Variants in BRWD3 observed in about 807,000 individuals in gnomAD.
BRWD3 encodes the protein bromodomain and WD repeat-containing protein 3.
A neutral mutation model predicts 149.7 loss-of-function variants in BRWD3; 10 were observed. That is an observed-to-expected ratio of 0.07 (90% CI 0.04 to 0.11). The LOEUF is 0.11. BRWD3 is among the 10% of genes least tolerant of loss of function. BRWD3 has a pLI of 1.00. For synonymous variants in BRWD3, 504 were observed against 456.7 expected, an observed-to-expected ratio of 1.10 and a Z score of -1.32; for missense variants, 940 against 1,373.2, an observed-to-expected ratio of 0.68 and a Z score of 4.99.
intron 20 of BRWD3, chrX:80,709,818 T>A: frequency 2.1e-6 from 1 of 472,034 alleles, no homozygotes; most frequent in Non-Finnish European, 3.6e-6. Flanking sequence ...AAAGTCTGGG[T>A]TGCAAAGTCC....
At chrX:80,713,687 TAA>T (rs1196274944) in intron 20 of BRWD3, among the ~76,000 whole-genome samples, 1 of 109,510 alleles carries the variant, frequency 9.1e-6, no homozygotes, top group Non-Finnish European at 1.9e-5. Flanking sequence ...GAATGATCAA[TAA>T]AAAAATAAAA....
intron 8 of BRWD3, among the ~76,000 whole-genome samples, chrX:80,740,191 C>G (rs2073465350): frequency 8.9e-6 from 1 of 111,803 alleles, no homozygotes; most frequent in African/African-American, 3.3e-5. Context: ...CAAAAAATGG[C>G]ATACTTATTA....
intron 4 of BRWD3, among the ~76,000 whole-genome samples, chrX:80,802,259 C>A (rs1018303455): frequency 2.8e-5 from 3 of 109,022 alleles, no homozygotes; most frequent in Non-Finnish European, 5.7e-5. Context: ...TTGGCCAACA[C>A]GGTGAAACTC....
intron 3 of BRWD3, 55 bp from the exon 4 acceptor site, chrX:80,808,653 C>T: frequency 9.4e-7 from 1 of 1,067,454 alleles, no homozygotes; most frequent in South Asian, 1.9e-5. Flanking sequence ...GAAGGAAAAG[C>T]CTCCGCTCCC....
intron 6 of BRWD3, among the ~76,000 whole-genome samples, chrX:80,766,715 C>T (rs1178262528): frequency 8.9e-6 from 1 of 111,999 alleles, no homozygotes; most frequent in Non-Finnish European, 1.9e-5. Context: ...TGGGTGATTT[C>T]TGCATTTCCA....
chrX:80,735,603 G>C (rs1288091489), intron 9 of BRWD3, among the ~76,000 whole-genome samples: 7 of 110,465 alleles, frequency 6.3e-5, no homozygotes, highest in Non-Finnish European at 9.5e-5. Flanking sequence ...AGGAGATCGA[G>C]ACCATCCTGG....
chrX:80,749,820 C>A (rs1217268677), intron 6 of BRWD3, among the ~76,000 whole-genome samples: 1 of 111,848 alleles, frequency 8.9e-6, no homozygotes. Context: ...CTAGAGGCAT[C>A]ATGCTCCCTG....
rs752994487 is a variant in BRWD3, at chrX:80,729,972, C to A, written c.1176G>T (p.Gln392His). Residue 392 changes from glutamine to histidine, a missense_variant, in exon 13 of 41, where the codon CAG becomes CAT. Around this residue, in one of 6 missense-constraint regions of BRWD3, gnomAD observed 209 missense variants for 396.8 expected, o/e 0.53. Coordinates refer to ENST00000373275, the MANE Select transcript of BRWD3 (RefSeq NM_153252.5). ...TACTCTTCCATTCTTGTTGCTGATA[C>A]TGCCAAATTCTTGCCGTTCCATCTC... ...GSRDGTARIWQYQQQEWKSIV... is the reference protein window; with the variant it reads ...GSRDGTARIWHYQQQEWKSIV... The A allele has an allele frequency of 8.3e-7, 1 of 1,207,586 alleles. No homozygotes were observed. Among genetic ancestry groups the A allele is most frequent in the South Asian group, 1.8e-5 (1 of 56,887 alleles).
At chrX:80,782,561 T>C (rs1423083612) in intron 6 of BRWD3, among the ~76,000 whole-genome samples, 1 of 110,793 alleles carries the variant, frequency 9.0e-6, no homozygotes, top group Non-Finnish European at 1.9e-5. Context: ...ACCCAAATAA[T>C]GAGAAAAAAT....
intron 4 of BRWD3, among the ~76,000 whole-genome samples, chrX:80,799,203 T>C (rs891657057): frequency 2.7e-5 from 3 of 111,411 alleles, no homozygotes; most frequent in African/African-American, 9.8e-5. Context: ...ACTGAGAAAA[T>C]CAGAAAACTC....
At chrX:80,794,049 A>G (rs1465377380) in intron 4 of BRWD3, among the ~76,000 whole-genome samples, 1 of 110,842 alleles carries the variant, frequency 9.0e-6, no homozygotes, top group Non-Finnish European at 1.9e-5. Flanking sequence ...GTGGTGCTGC[A>G]CGCCTGTAAT....
rs1026506014 is a variant in BRWD3 at position 80,680,589 on chromosome X, G to A, written c.4654+752C>T. Among the ~76,000 whole-genome samples, 3 of 111,143 alleles carry A rather than the reference G, an allele frequency of 2.7e-5. No homozygotes were observed. The East Asian group carries it at 8.5e-4, about 31-fold the overall frequency. ...GACTTACATAACTGGAAAACCTTAA[G>A]GAAGGTGGTAGAAGCGGTTATTGAC... On this transcript the variant is annotated intron_variant, in intron 40 of 40. Transcript: ENST00000373275.
chrX:80,712,915 G>A lies in BRWD3; in HGVS notation c.2325+3242C>T, dbSNP rs796193857. 6.4e-5 allele frequency among the ~76,000 whole-genome samples: 6 copies of A among 94,171 alleles called. 1 individual carries two copies. The highest frequency in any genetic ancestry group is 5.6e-4 in the Admixed American group (5 of 8,989). 81.8% of individuals were successfully genotyped at this position (94,171 alleles called of 115,157 possible). On this transcript the variant is annotated intron_variant, in intron 20 of 40. Coordinates refer to ENST00000373275, the MANE Select transcript of BRWD3 (RefSeq NM_153252.5). The stretch of plus-strand genomic sequence containing the variant: ...AAGTGAGGAGCCCCTCCGCCCGGCA[G>A]CCGCCCCGTCTGAGAAGTGAGGAGC...
Position 80,681,445 on chromosome X carries a change from C to CCAT in BRWD3, c.4547_4549dup (p.Asp1516dup). 1 of 1,208,762 alleles carries CCAT rather than the reference C, an allele frequency of 8.3e-7. No individual in the cohort carries two copies. Among genetic ancestry groups the CCAT allele is most frequent in the Non-Finnish European group, 1.1e-6 (1 of 893,329 alleles). ...ACCGAAGCTCGATGAAGAAAATGGCCCATCTGGCTCATCATCAAGTAGATA... is the reference window on the plus strand; with the variant it reads ...ACCGAAGCTCGATGAAGAAAATGGCCCATCATCTGGCTCATCATCAAGTAGATA... On this transcript the variant is annotated inframe_insertion, in exon 40 of 41. Coordinates refer to ENST00000373275, the MANE Select transcript of BRWD3 (RefSeq NM_153252.5).
In BRWD3 at chrX:80,696,822, A is replaced by G; in HGVS notation, c.2985T>C (p.Val995=). ...TCAAGCAGCACAGTGTGGGTGGGCC[A>G]ACCTCATATTTGATTCCTACAATCT... ...FVKIVGIKYE[V]GPPTLCCLKL... The change falls in exon 26 of 41, where the codon GTT becomes GTC. Residue 995 remains valine (V), a synonymous_variant. Transcript: ENST00000373275. The G allele has an allele frequency of 8.3e-7, 1 of 1,208,033 alleles. No homozygotes were observed. The highest frequency in any genetic ancestry group is 1.1e-6 in the Non-Finnish European group (1 of 892,150).
At chrX:80,725,468 A>T (rs2073203869) in intron 14 of BRWD3, among the ~76,000 whole-genome samples, 1 of 112,183 alleles carries the variant, frequency 8.9e-6, no homozygotes, top group African/African-American at 3.2e-5. Flanking sequence ...CTGGTATTCA[A>T]ATTGTATTTT....
At chrX:80,783,407 A>G (rs2074076896) in intron 6 of BRWD3, among the ~76,000 whole-genome samples, 1 of 109,104 alleles carries the variant, frequency 9.2e-6, no homozygotes, top group Non-Finnish European at 1.9e-5. Flanking sequence ...AAAAAATCCA[A>G]AAGACATGCA....
At chrX:80,687,939 A>G (rs780026093) in intron 34 of BRWD3, 130 bp downstream of exon 34, 181 of 535,719 alleles carry the variant, frequency 3.4e-4, no homozygotes, top group Non-Finnish European at 4.9e-4. Flanking sequence ...AATATTATCA[A>G]TGAGCATACC....
chrX:80,700,433 G>GATATATATGTATATATATATATAT (rs1555966846), intron 24 of BRWD3, among the ~76,000 whole-genome samples: 1 of 55,633 alleles, frequency 1.8e-5, no homozygotes, highest in Non-Finnish European at 3.3e-5. Flanking sequence ...GAAAATATTT[G>GATATATATGTATATATATATATAT]ATATATATAA....
Sources: allele counts gnomAD v4.1 joint callset (sites outside exome capture counted in the v4.1 genomes callset), GRCh38; gene constraint gnomAD v4.1.1; regional missense constraint gnomAD v4.1.1; transcripts MANE v1.5; gene names NCBI Gene and HGNC (gene_info 2026-07-23, HGNC 2026-07-21).